The following WBP11 variants were observed in gnomAD, a reference collection of about 807,000 sequenced individuals.
The protein encoded by WBP11 is WW domain-binding protein 11.
WBP11 carries 12 observed loss-of-function variants against 66.7 expected under a neutral mutation model. The ratio of observed to expected loss-of-function variants is 0.18; its 90% CI spans 0.12 to 0.29. The LOEUF is 0.29. Ranked by LOEUF, WBP11 falls within the 10% of genes least tolerant of loss-of-function variation. The pLI, the probability that WBP11 is intolerant of heterozygous loss-of-function variation, is 1.00. For synonymous variants in WBP11, 255 were observed against 273.8 expected (o/e 0.93, Z 0.68); for missense variants, 555 against 818.3 (o/e 0.68, Z 3.93).
rs746844475 is a variant in WBP11, at chr12:14,794,768, C to G, written c.522-32G>C. ...AAAAAAAAAACAAAAACAAAAAAAC[C>G]CCCACAGTAATCACTTAACAGTAAT... On this transcript the variant is annotated intron_variant, in intron 6 of 11. Transcript: ENST00000261167. 5.2e-6 allele frequency: 8 copies of G among 1,532,472 alleles called. No homozygotes were observed. The African/African-American group carries it at 9.8e-5, about 19-fold the overall frequency. The allele number at this position is 1,532,472 out of a possible 1,614,324, so 94.9% of individuals were successfully genotyped here.
Position 14,801,428 on chromosome 12 carries a change from C to T in WBP11, c.-45G>A, listed in dbSNP as rs1282061477. 3.2e-6 allele frequency: 5 copies of T among 1,582,016 alleles called. No individual in the cohort carries two copies. The African/African-American group carries it at 6.8e-5, about 21-fold the overall frequency. The stretch of plus-strand genomic sequence containing the variant: ...TACTTGTTCATTAAAAAAAGAAAAA[C>T]CTGTGAAGGTGAAGACAAAGAAATA... On this transcript the variant is annotated splice_region_variant and 5_prime_UTR_variant, in exon 2 of 12. Coordinates refer to ENST00000261167, the MANE Select transcript of WBP11 (RefSeq NM_016312.3).
chr12:14,801,214 C>T (rs889909703), intron 2 of WBP11, 106 bp downstream of exon 2: 1 of 1,101,298 alleles, frequency 9.1e-7, no homozygotes, highest in Non-Finnish European at 1.4e-6. Flanking sequence ...ATTTATTCCT[C>T]CTATCACTGC....
At chr12:14,787,530 G>A (rs748107339) in intron 11 of WBP11, 32 bp from the exon 12 acceptor site, 2 of 1,433,708 alleles carry the variant, frequency 1.4e-6, no homozygotes, top group Non-Finnish European at 9.2e-7. Flanking sequence ...GATGAATACT[G>A]TAAGAACTAA....
In WBP11 at chr12:14,790,655, T is replaced by C. The variant is rs981999689; in HGVS notation, c.1110A>G (p.Ser370=). The C allele has an allele frequency of 6.2e-7, 1 of 1,614,208 alleles. No homozygotes were observed. The highest frequency in any genetic ancestry group is 1.3e-5 in the African/African-American group (1 of 75,060). ...GGGATTCCTCTTTATGCTGCTTTTG[T>C]GATTGCTTTTCTGCTTCAGAGTCAT... ...DSDDSEAEKQ[S]QKQHKEESHS... The change falls in exon 10 of 12, where the codon TCA becomes TCG. Residue 370 remains serine, a synonymous_variant. Coordinates refer to ENST00000261167, the MANE Select transcript of WBP11 (RefSeq NM_016312.3).
At chr12:14,800,299 T>C (rs1949945005) in intron 3 of WBP11, among the ~76,000 whole-genome samples, 1 of 151,920 alleles carries the variant, frequency 6.6e-6, no homozygotes, top group African/African-American at 2.4e-5. Context: ...AAGAGGAGAA[T>C]GCTAATTGGG....
At chr12:14,794,930 C>A in intron 6 of WBP11, 41 bp downstream of exon 6, 1 of 1,612,038 alleles carries the variant, frequency 6.2e-7, no homozygotes, top group South Asian at 1.1e-5. Context: ...TCAACTTGTG[C>A]CTTTACTAAA....
intron 1 of WBP11, among the ~76,000 whole-genome samples, chr12:14,803,107 A>G (rs943042670): frequency 6.6e-6 from 1 of 152,206 alleles, no homozygotes; most frequent in African/African-American, 2.4e-5. Flanking sequence ...ACAAGACGTC[A>G]AACCTAAGGC....
chr12:14,796,736 G>A lies in WBP11; in HGVS notation c.387+71C>T. 1.4e-6 allele frequency: 2 copies of A among 1,393,306 alleles called. No homozygotes were observed. The highest frequency in any genetic ancestry group is 5.0e-5 in the East Asian group (2 of 39,768). The allele number at this position is 1,393,306 out of a possible 1,614,324, so 86.3% of individuals were successfully genotyped here. Reference sequence around the variant, plus strand: ...AAATCCAAAACACTTCTGGTCCCAAGCACTTTGCATAAGGGATACTCAATC... The same window carrying A: ...AAATCCAAAACACTTCTGGTCCCAAACACTTTGCATAAGGGATACTCAATC... On this transcript the variant is annotated intron_variant, in intron 5 of 11. Transcript: ENST00000261167. This position sits in a 1 kb window ranked among gnomAD's most constrained non-coding sequence, Gnocchi z 4.5.
chr12:14,800,342 ATAT>A (rs1341973540), intron 3 of WBP11, among the ~76,000 whole-genome samples: 2 of 151,866 alleles, frequency 1.3e-5, no homozygotes, highest in Non-Finnish European at 2.9e-5. Context: ...ATATCTATAA[ATAT>A]TATAAACCTA....
intron 11 of WBP11, 86 bp from the exon 12 acceptor site, chr12:14,787,584 A>T: frequency 8.2e-7 from 1 of 1,224,576 alleles, no homozygotes; most frequent in East Asian, 2.7e-5. Context: ...TTGGTTGCCA[A>T]TTTTTAAATA....
Position 14,796,060 on chromosome 12 carries a change from G to A in WBP11, c.387+747C>T, listed in dbSNP as rs971775352. Among the ~76,000 whole-genome samples, 5 of 152,046 alleles carry A rather than the reference G, an allele frequency of 3.3e-5. No individual in the cohort carries two copies. In the South Asian group the frequency reaches 6.2e-4, roughly 19 times the overall value. On this transcript the variant is annotated intron_variant, in intron 5 of 11. Transcript: ENST00000261167. This position sits in a 1 kb window ranked among gnomAD's most constrained non-coding sequence, Gnocchi z 4.5. Reference sequence around the variant, plus strand: ...TAATATCATCCCCCAAGGCAACCACGGCTACATTTTTTTTTCCTGCACAGA... The same window carrying A: ...TAATATCATCCCCCAAGGCAACCACAGCTACATTTTTTTTTCCTGCACAGA...
In WBP11 at chr12:14,786,823, A is replaced by C. The variant is rs1949759100; in HGVS notation, c.*242T>G. ...GGAGGAGGGGAAGAAACAGGGTGAA[A>C]ATGGTGGTATGAAAGGGAATGGATG... On this transcript the variant is annotated 3_prime_UTR_variant, in exon 12 of 12. Transcript: ENST00000261167. 1.3e-5 allele frequency: 5 copies of C among 396,688 alleles called. No homozygotes were observed. In the South Asian group the frequency reaches 2.7e-4, roughly 22 times the overall value. 24.6% of individuals were successfully genotyped at this position (396,688 alleles called of 1,614,324 possible).
In WBP11 at chr12:14,787,425, C is replaced by A. The variant is rs753830511; in HGVS notation, c.1566G>T (p.Leu522=). ...VPPLGPAPPG[L]FPPAPLPNPG... The stretch of plus-strand genomic sequence containing the variant: ...GGTTTGGCAAGGGAGCTGGTGGGAA[C>A]AGCCCAGGGGGGGCAGGTCCAAGGG... Residue 522 remains leucine (L), a synonymous_variant, in exon 12 of 12, where the codon CTG becomes CTT. Transcript: ENST00000261167. The A allele has an allele frequency of 6.4e-7, 1 of 1,565,996 alleles. No homozygotes were observed. Among genetic ancestry groups the A allele is most frequent in the Admixed American group, 1.8e-5 (1 of 56,698 alleles).
At chr12:14,791,737 T>G (rs1342209268) in intron 8 of WBP11, among the ~76,000 whole-genome samples, 1 of 152,178 alleles carries the variant, frequency 6.6e-6, no homozygotes, top group East Asian at 1.9e-4. Context: ...TGAAACTAAT[T>G]TAAATGTCAT....
intron 4 of WBP11, 128 bp downstream of exon 4, chr12:14,799,506 TA>T: frequency 1.1e-6 from 1 of 872,378 alleles, no homozygotes. Context: ...TCCCTGAAAC[TA>T]ACATTAAATC....
At position 14,786,956 on chromosome 12, in the gene WBP11, T is replaced by G. The variant is rs535101494; in HGVS notation, c.*109A>C. 2.7e-4 allele frequency: 323 copies of G among 1,205,996 alleles called. No homozygotes were observed. Among genetic ancestry groups the G allele is most frequent in the South Asian group, 8.9e-4 (55 of 61,912 alleles). The allele number at this position is 1,205,996 out of a possible 1,614,324, so 74.7% of individuals were successfully genotyped here. On this transcript the variant is annotated 3_prime_UTR_variant, in exon 12 of 12. Coordinates refer to ENST00000261167, the MANE Select transcript of WBP11 (RefSeq NM_016312.3). ...TTTAGGATATTCCTTGAACTGAAATTAGAAAATACCCTGACAATGGAAGCA... is the reference window on the plus strand; with the variant it reads ...TTTAGGATATTCCTTGAACTGAAATGAGAAAATACCCTGACAATGGAAGCA...
At position 14,797,440 on chromosome 12, in the gene WBP11, G is replaced by T. The variant is rs978358549; in HGVS notation, c.191-437C>A. Among the ~76,000 whole-genome samples, 25 of 152,158 alleles carry T rather than the reference G, an allele frequency of 1.6e-4. 1 individual carries two copies. Among genetic ancestry groups the T allele is most frequent in the Admixed American group, 1.4e-3 (22 of 15,284 alleles). ...TAATAAAGCTATGATGATACAATGG[G>T]ATTACAAATAAAATATCCAGTGGTG... On this transcript the variant is annotated intron_variant, in intron 4 of 11. Coordinates refer to ENST00000261167, the MANE Select transcript of WBP11 (RefSeq NM_016312.3).
In WBP11 at chr12:14,796,730, T is replaced by C; in HGVS notation, c.387+77A>G. On this transcript the variant is annotated intron_variant, in intron 5 of 11. Transcript: ENST00000261167. The surrounding 1 kb of genome is among the most constrained non-coding windows in gnomAD (Gnocchi z 4.5). Reference sequence around the variant, plus strand: ...AACCCTAAATCCAAAACACTTCTGGTCCCAAGCACTTTGCATAAGGGATAC... The same window carrying C: ...AACCCTAAATCCAAAACACTTCTGGCCCCAAGCACTTTGCATAAGGGATAC... The C allele has an allele frequency of 7.4e-7, 1 of 1,353,282 alleles. No homozygotes were observed. The highest frequency in any genetic ancestry group is 1.5e-5 in the South Asian group (1 of 67,556). 83.8% of individuals were successfully genotyped at this position (1,353,282 alleles called of 1,614,324 possible).
At position 14,787,055 on chromosome 12, in the gene WBP11, T is replaced by A; in HGVS notation, c.*10A>T. ...TTGTGAACAGAAGCCTTTTCTGGCA[T>A]CAAAAGCTGTCACAGTAGCCCTTCC... On this transcript the variant is annotated 3_prime_UTR_variant, in exon 12 of 12. Coordinates refer to ENST00000261167, the MANE Select transcript of WBP11 (RefSeq NM_016312.3). The A allele has an allele frequency of 1.2e-6, 2 of 1,606,456 alleles. No individual in the cohort carries two copies. The highest frequency in any genetic ancestry group is 2.2e-5 in the South Asian group (2 of 90,602).
Sources: allele counts gnomAD v4.1 joint callset (sites outside exome capture counted in the v4.1 genomes callset), GRCh38; gene constraint gnomAD v4.1.1; non-coding constraint Gnocchi (gnomAD v3.1); transcripts MANE v1.5; gene names NCBI Gene and HGNC (gene_info 2026-07-23, HGNC 2026-07-21).